The following GDPD1 variants were observed in gnomAD, a reference collection of about 807,000 sequenced individuals.
GDPD1 encodes glycerophosphodiester phosphodiesterase domain containing 1.
A neutral mutation model predicts 45.1 loss-of-function variants in GDPD1; 28 were observed. The observed-to-expected ratio is 0.62, with a 90% CI of 0.46 to 0.85. The LOEUF (loss-of-function observed/expected upper bound fraction) is 0.85, where lower values mean the gene tolerates loss of function less well. Among genes scored for constraint, GDPD1 ranks in the 40% least tolerant of loss-of-function variants. GDPD1 has a pLI of 0.00. For synonymous variants in GDPD1, 139 were observed against 131.4 expected (o/e 1.06, Z -0.40); for missense variants, 256 against 364.8 (o/e 0.70, Z 2.43).
At position 59,257,337 on chromosome 17, in the gene GDPD1, G is replaced by A. The variant is rs545858927; in HGVS notation, c.486+97G>A. The A allele has an allele frequency of 4.4e-4, 292 of 664,120 alleles. 1 individual carries two copies. The highest frequency in any genetic ancestry group is 7.0e-4 in the Non-Finnish European group (265 of 378,956). 41.1% of individuals were successfully genotyped at this position (664,120 alleles called of 1,614,324 possible). On this transcript the variant is annotated intron_variant, in intron 5 of 9. Coordinates refer to ENST00000284116, the MANE Select transcript of GDPD1 (RefSeq NM_182569.4). ...ACTGCATAGATTGATAATGCTCAAG[G>A]AAATGTGATACCCTAGGGATCAGCA...
At position 59,274,256 on chromosome 17, in the gene GDPD1, TA is replaced by T; in HGVS notation, c.*485del. 1 of 666,398 alleles carries T rather than the reference TA, an allele frequency of 1.5e-6. No individual in the cohort carries two copies. Among genetic ancestry groups the T allele is most frequent in the Non-Finnish European group, 1.9e-6 (1 of 538,632 alleles). The allele number at this position is 666,398 out of a possible 1,614,324, so 41.3% of individuals were successfully genotyped here. ...GGCTGAGTGTGGTGGCTCATGCCTG[TA>T]ATCCCAGCACTTTGGGAGGCTGAGA... On this transcript the variant is annotated 3_prime_UTR_variant, in exon 10 of 10. Transcript: ENST00000284116.
chr17:59,271,670 T>A (rs1431168006), intron 8 of GDPD1, among the ~76,000 whole-genome samples: 2 of 151,738 alleles, frequency 1.3e-5, no homozygotes, highest in Non-Finnish European at 2.9e-5. Flanking sequence ...TGAGATGGAG[T>A]CTTTCTCTGT....
At chr17:59,251,991 C>CAA (rs34224346) in intron 4 of GDPD1, among the ~76,000 whole-genome samples, 16,526 of 60,598 alleles carry the variant, frequency 0.27, 2,161 homozygotes, top group East Asian at 0.37. Flanking sequence ...GACTCAGTCT[C>CAA]AAAAAAAAAA....
At chr17:59,256,715 G>A (rs1250360009) in intron 4 of GDPD1, among the ~76,000 whole-genome samples, 1 of 152,168 alleles carries the variant, frequency 6.6e-6, no homozygotes, top group Admixed American at 6.6e-5. Flanking sequence ...AGATTTGCAA[G>A]AAGGTTACCA....
chr17:59,271,099 A>G, intron 8 of GDPD1, 104 bp downstream of exon 8: 1 of 683,006 alleles, frequency 1.5e-6, no homozygotes, highest in Non-Finnish European at 2.5e-6. Context: ...ATTTGTAACA[A>G]GGACAAATTG....
chr17:59,226,295 G>A (rs539557847), intron 1 of GDPD1, among the ~76,000 whole-genome samples: 1 of 151,886 alleles, frequency 6.6e-6, no homozygotes, highest in African/African-American at 2.4e-5. Context: ...TCAAAACAAG[G>A]GCCAACTAGC....
rs1390091343 is a variant in GDPD1, at chr17:59,241,215, TATA to T, written c.186-4195_186-4193del. ...CCCATTGTTAAGTGGTGCATGACTT[TATA>T]ATATTTTTATATTATGTGTTGTAAG... On this transcript the variant is annotated intron_variant, in intron 2 of 9. Transcript: ENST00000284116. 3.3e-5 allele frequency among the ~76,000 whole-genome samples: 5 copies of T among 152,266 alleles called. No homozygotes were observed. In the South Asian group the frequency reaches 6.2e-4, roughly 19 times the overall value.
At chr17:59,228,170 TAAAAAAAAAAAAA>T in intron 1 of GDPD1, among the ~76,000 whole-genome samples, 1 of 91,674 alleles carries the variant, frequency 1.1e-5, no homozygotes, top group East Asian at 3.2e-4. Flanking sequence ...AGACTCCATC[TAAAAAAAAAAAAA>T]AAAAAAAAAA....
intron 6 of GDPD1, among the ~76,000 whole-genome samples, chr17:59,259,121 C>T (rs1220889805): frequency 2.0e-5 from 3 of 149,358 alleles, no homozygotes. Flanking sequence ...CATAGTAAGA[C>T]TTCTAACTCT....
intron 2 of GDPD1, among the ~76,000 whole-genome samples, chr17:59,244,086 A>G (rs1568342722): frequency 6.6e-6 from 1 of 152,240 alleles, no homozygotes; most frequent in Non-Finnish European, 1.5e-5. Flanking sequence ...AAAGCTTTAG[A>G]GCAGGAATGA....
intron 1 of GDPD1, among the ~76,000 whole-genome samples, chr17:59,224,436 C>T (rs992020965): frequency 2.0e-5 from 3 of 151,938 alleles, no homozygotes; most frequent in Non-Finnish European, 4.4e-5. Flanking sequence ...TCCTGGCTAA[C>T]GATGGTGAAA....
At chr17:59,230,677 C>T (rs372610551) in intron 1 of GDPD1, among the ~76,000 whole-genome samples, 5 of 152,004 alleles carry the variant, frequency 3.3e-5, no homozygotes, top group African/African-American at 7.2e-5. Context: ...CCACCATGCC[C>T]GGCCCAGTTG....
intron 3 of GDPD1, among the ~76,000 whole-genome samples, chr17:59,248,272 C>T (rs905413600): frequency 2.0e-5 from 3 of 150,340 alleles, no homozygotes; most frequent in African/African-American, 7.3e-5. Flanking sequence ...GCACTCCGGC[C>T]CAGGCAATAG....
rs2047472599 is a variant in GDPD1, at chr17:59,275,134, AC to A, written c.*1364del. 6.5e-7 allele frequency: 1 copy of A among 1,535,448 alleles called. No individual in the cohort carries two copies. Among genetic ancestry groups the A allele is most frequent in the African/African-American group, 1.4e-5 (1 of 72,954 alleles). Reference sequence around the variant, plus strand: ...TGGGATTACAGGTTTGAACCACTGCACCCGGCCAGTAAAAGAAATTTTGAAG... The same window carrying A: ...TGGGATTACAGGTTTGAACCACTGCACCGGCCAGTAAAAGAAATTTTGAAG... On this transcript the variant is annotated 3_prime_UTR_variant, in exon 10 of 10. Transcript: ENST00000284116.
intron 2 of GDPD1, 85 bp downstream of exon 2, chr17:59,234,619 G>A (rs993689068): frequency 7.8e-6 from 7 of 895,928 alleles, no homozygotes; most frequent in African/African-American, 3.4e-5. Flanking sequence ...CACAAAGTGA[G>A]GATAGTGTAA....
chr17:59,232,183 T>TG (rs1217732483), intron 1 of GDPD1, among the ~76,000 whole-genome samples: 1 of 152,140 alleles, frequency 6.6e-6, no homozygotes, highest in Non-Finnish European at 1.5e-5. Flanking sequence ...CTGGGCGCGG[T>TG]GGCTCAAGCC....
chr17:59,237,641 TG>T (rs1227709712), intron 2 of GDPD1, among the ~76,000 whole-genome samples: 1 of 151,998 alleles, frequency 6.6e-6, no homozygotes, highest in Non-Finnish European at 1.5e-5. Flanking sequence ...AATTTCAAAA[TG>T]GAGGTGAAGA....
chr17:59,262,376 C>CT (rs1219077588), intron 6 of GDPD1, among the ~76,000 whole-genome samples: 1 of 152,084 alleles, frequency 6.6e-6, no homozygotes, highest in Non-Finnish European at 1.5e-5. Context: ...TGAACAAACT[C>CT]TGACATTTCC....
intron 4 of GDPD1, among the ~76,000 whole-genome samples, chr17:59,256,271 C>T (rs1187554816): frequency 6.6e-6 from 1 of 151,894 alleles, no homozygotes. Context: ...GAGCTGAGAT[C>T]GTGTCACTGC....
Sources: allele counts gnomAD v4.1 joint callset (sites outside exome capture counted in the v4.1 genomes callset), GRCh38; gene constraint gnomAD v4.1.1; transcripts MANE v1.5; gene names NCBI Gene and HGNC (gene_info 2026-07-23, HGNC 2026-07-21).